The following NELL1 variants were observed in gnomAD, a reference collection of about 807,000 sequenced individuals.
The protein encoded by NELL1 is neural EGFL like 1, also known as protein kinase C-binding protein NELL1.
NELL1 carries 76 observed loss-of-function variants against 107.4 expected under a neutral mutation model. The ratio of observed to expected loss-of-function variants is 0.71; its 90% confidence interval spans 0.59 to 0.86. The LOEUF is 0.86. NELL1 is among the 40% of genes least tolerant of loss of function. The pLI is 0.00. For missense variants in NELL1, 1,024 were observed against 1,005.5 expected (o/e 1.02, Z -0.25); for synonymous variants, 353 against 341.2 (o/e 1.03, Z -0.38).
chr11:21,023,955 C>G (rs1852757424), intron 12 of NELL1, among the ~76,000 whole-genome samples: 1 of 152,070 alleles, frequency 6.6e-6, no homozygotes, highest in Admixed American at 6.6e-5. Flanking sequence ...TGCATAGAAA[C>G]TATTCTACCA....
At chr11:21,466,576 T>G (rs1225402668) in intron 15 of NELL1, among the ~76,000 whole-genome samples, 1 of 152,180 alleles carries the variant, frequency 6.6e-6, no homozygotes, top group African/African-American at 2.4e-5. Context: ...TTTAAAACTT[T>G]TTTTAAAAAA....
At chr11:20,914,726 G>C (rs1273618301) in intron 5 of NELL1, among the ~76,000 whole-genome samples, 8 of 151,980 alleles carry the variant, frequency 5.3e-5, no homozygotes, top group African/African-American at 1.9e-4. Flanking sequence ...TCAAGAGTTA[G>C]TAGCCCTGTA....
chr11:21,240,964 T>C (rs1858342300), intron 14 of NELL1, among the ~76,000 whole-genome samples: 1 of 152,070 alleles, frequency 6.6e-6, no homozygotes, highest in East Asian at 1.9e-4. Context: ...GTGCTGATTC[T>C]TTTGAGTGCA....
At chr11:21,547,988 A>G (rs1446829503) in intron 16 of NELL1, among the ~76,000 whole-genome samples, 1 of 151,894 alleles carries the variant, frequency 6.6e-6, no homozygotes, top group Non-Finnish European at 1.5e-5. Context: ...TCCTAAATAT[A>G]CAATCATGGC....
intron 15 of NELL1, among the ~76,000 whole-genome samples, chr11:21,395,925 A>G (rs534608727): frequency 6.6e-6 from 1 of 151,558 alleles, no homozygotes; most frequent in African/African-American, 2.4e-5. Context: ...ACAAAAAAAG[A>G]TCAACATTAG....
intron 12 of NELL1, among the ~76,000 whole-genome samples, chr11:21,111,141 C>G (rs1212014827): frequency 2.0e-5 from 3 of 152,104 alleles, no homozygotes; most frequent in African/African-American, 7.2e-5. Flanking sequence ...GAATCCTTCT[C>G]TGACTCTCTC....
At chr11:21,344,554 T>A (rs1850645040) in intron 14 of NELL1, among the ~76,000 whole-genome samples, 1 of 152,142 alleles carries the variant, frequency 6.6e-6, no homozygotes, top group Non-Finnish European at 1.5e-5. Context: ...GTATCCTGTA[T>A]GTGCATAACA....
chr11:21,139,694 A>G (rs1307110278), intron 13 of NELL1, among the ~76,000 whole-genome samples: 1 of 152,228 alleles, frequency 6.6e-6, no homozygotes, highest in Non-Finnish European at 1.5e-5. Flanking sequence ...GTAGGTGATC[A>G]GTAAATATGA....
chr11:21,329,700 T>C (rs1422619077), intron 14 of NELL1, among the ~76,000 whole-genome samples: 1 of 152,172 alleles, frequency 6.6e-6, no homozygotes, highest in African/African-American at 2.4e-5. Flanking sequence ...TTTTGTGTAA[T>C]GTTTTAATTA....
intron 15 of NELL1, among the ~76,000 whole-genome samples, chr11:21,509,242 C>T (rs562083019): frequency 6.6e-6 from 1 of 152,060 alleles, no homozygotes; most frequent in Admixed American, 6.5e-5. Flanking sequence ...AAGCATGGAG[C>T]AACAGAAAAA....
At chr11:21,561,586 C>T (rs768486163) in intron 17 of NELL1, among the ~76,000 whole-genome samples, 4 of 152,034 alleles carry the variant, frequency 2.6e-5, no homozygotes, top group Non-Finnish European at 5.9e-5. Flanking sequence ...AATGTCTAAG[C>T]TGTGACTTGA....
chr11:21,502,976 G>C (rs544133011), intron 15 of NELL1, among the ~76,000 whole-genome samples: 1 of 152,038 alleles, frequency 6.6e-6, no homozygotes, highest in African/African-American at 2.4e-5. Flanking sequence ...TCCGCCTCCC[G>C]GGTTCAAGTG....
chr11:21,102,149 G>A (rs748931286), intron 12 of NELL1, among the ~76,000 whole-genome samples: 40 of 152,082 alleles, frequency 2.6e-4, no homozygotes, highest in Admixed American at 7.2e-4. Flanking sequence ...CACCACACCC[G>A]GCCAAAGTAC....
intron 5 of NELL1, among the ~76,000 whole-genome samples, chr11:20,886,315 A>C (rs1291076552): frequency 6.6e-6 from 1 of 152,212 alleles, no homozygotes; most frequent in African/African-American, 2.4e-5. Flanking sequence ...GTGATAAAAT[A>C]AATTTAAAAA....
intron 13 of NELL1, among the ~76,000 whole-genome samples, chr11:21,212,957 A>T (rs936920450): frequency 2.0e-5 from 3 of 152,226 alleles, no homozygotes; most frequent in African/African-American, 7.2e-5. Flanking sequence ...TATGTAGAAA[A>T]TGTCAAGAAA....
intron 15 of NELL1, among the ~76,000 whole-genome samples, chr11:21,375,238 C>G (rs934528764): frequency 3.3e-5 from 5 of 151,972 alleles, no homozygotes; most frequent in Admixed American, 6.6e-5. Context: ...CAGTTTCTAT[C>G]ATCGCCATCT....
At chr11:20,910,650 T>C (rs1356245385) in intron 5 of NELL1, among the ~76,000 whole-genome samples, 1 of 152,200 alleles carries the variant, frequency 6.6e-6, no homozygotes, top group African/African-American at 2.4e-5. Context: ...GCAAATTATG[T>C]AGCAGGTTCT....
chr11:20,810,794 C>T (rs561490939), intron 3 of NELL1, among the ~76,000 whole-genome samples: 3 of 152,154 alleles, frequency 2.0e-5, no homozygotes, highest in Admixed American at 2.0e-4. Context: ...AATCTCCACA[C>T]TCTTTTCTAT....
chr11:20,942,191 A>G (rs1487634766), intron 10 of NELL1, among the ~76,000 whole-genome samples: 1 of 152,228 alleles, frequency 6.6e-6, no homozygotes, highest in Non-Finnish European at 1.5e-5. Context: ...AAGGAAAGAC[A>G]TTCCCTATAT....
Sources: allele counts gnomAD v4.1 joint callset (sites outside exome capture counted in the v4.1 genomes callset), GRCh38; gene constraint gnomAD v4.1.1; transcripts MANE v1.5; gene names NCBI Gene and HGNC (gene_info 2026-07-23, HGNC 2026-07-21).